The following MBD4 variants were observed in gnomAD, a reference collection of about 807,000 sequenced individuals.
The protein encoded by MBD4 is methyl-CpG-binding domain protein 4.
MBD4 carries 53 observed loss-of-function variants against 60.2 expected under a neutral mutation model. The ratio of observed to expected loss-of-function variants is 0.88; its 90% confidence interval spans 0.71 to 1.11. The LOEUF is 1.11. Ranked by LOEUF, MBD4 falls within the 50% of genes least tolerant of loss-of-function variation. The probability of loss-of-function intolerance (pLI) is 0.00; values close to 1 mark genes in which losing one functional copy is unlikely to be tolerated. For synonymous variants in MBD4, 231 were observed against 229.8 expected (o/e 1.01, Z -0.05); for missense variants, 619 against 674.0 (o/e 0.92, Z 0.90).
At chr3:129,439,693 T>G (rs1559806795) in intron 1 of MBD4, 37 bp downstream of exon 1, 2 of 1,216,746 alleles carry the variant, frequency 1.6e-6, no homozygotes, top group Non-Finnish European at 2.4e-6. Flanking sequence ...ATTTTACAGG[T>G]GGTGAAACTG....
rs2072674953 is a variant in MBD4 at position 129,439,598 on chromosome 3, TAAC to T, written c.104+129_104+131del. The T allele has an allele frequency of 4.1e-6, 3 of 730,442 alleles. No homozygotes were observed. In the Admixed American group the frequency reaches 6.1e-5, roughly 15 times the overall value. The allele number at this position is 730,442 out of a possible 1,614,324, so 45.2% of individuals were successfully genotyped here. ...AGAGCACCTGGGCTCCAGACCCTAG[TAAC>T]TAAACCCGTGGGCTTCGAGGTTTCT... On this transcript the variant is annotated intron_variant, in intron 1 of 7. Coordinates refer to ENST00000429544, the MANE Select transcript of MBD4 (RefSeq NM_001276270.2).
intron 1 of MBD4, 106 bp downstream of exon 1, chr3:129,439,624 T>C: frequency 1.2e-6 from 1 of 813,496 alleles, no homozygotes; most frequent in South Asian, 1.4e-5. Flanking sequence ...CTTCGAGGTT[T>C]CTGCCGACCC....
In MBD4 at chr3:129,434,076, T is replaced by C. The variant is rs147756381; in HGVS notation, c.1244A>G (p.Lys415Arg). The C allele has an allele frequency of 4.0e-5, 64 of 1,614,168 alleles. No individual in the cohort carries two copies. In the East Asian group the frequency reaches 1.4e-3, roughly 34 times the overall value. Residue 415 changes from lysine to arginine, a missense_variant, in exon 4 of 8, where the codon AAA becomes AGA. Coordinates refer to ENST00000429544, the MANE Select transcript of MBD4 (RefSeq NM_001276270.2). The part of the protein sequence containing the change: ...RRKTSLYFSS[K>R]YNKEALSPPR... ...GAAAGGGATACCTTCTTTGTTATAT[T>C]TGCTGGAAAAATACAGGCTTGTTTT...
chr3:129,434,614 C>T (rs990284010), intron 3 of MBD4, among the ~76,000 whole-genome samples: 1 of 152,112 alleles, frequency 6.6e-6, no homozygotes, highest in African/African-American at 2.4e-5. Flanking sequence ...AAGCAAGAGT[C>T]TACATATGAT....
In MBD4 at chr3:129,433,833, G is replaced by C; in HGVS notation, c.1393+17C>G. 3 of 1,613,916 alleles carry C rather than the reference G, an allele frequency of 1.9e-6. No homozygotes were observed. Among genetic ancestry groups the C allele is most frequent in the Non-Finnish European group, 1.7e-6 (2 of 1,179,914 alleles). On this transcript the variant is annotated intron_variant, in intron 5 of 7. Coordinates refer to ENST00000429544, the MANE Select transcript of MBD4 (RefSeq NM_001276270.2). Reference sequence around the variant, plus strand: ...ACACTGTCTCTACTAAGACAAAGATGATAATAATCCCCAAACCTGAGGTCC... The same window carrying C: ...ACACTGTCTCTACTAAGACAAAGATCATAATAATCCCCAAACCTGAGGTCC...
intron 6 of MBD4, 105 bp from the exon 7 acceptor site, chr3:129,432,711 A>G (rs2072374288): frequency 1.8e-6 from 2 of 1,098,084 alleles, no homozygotes; most frequent in Non-Finnish European, 2.8e-6. Flanking sequence ...AGGGACAGGA[A>G]AGGCTCTTTC....
At chr3:129,432,103 C>A in intron 7 of MBD4, 1 of 1,132,762 alleles carries the variant, frequency 8.8e-7, no homozygotes, top group African/African-American at 1.6e-5. Context: ...GACCCAGTCA[C>A]CACAAACGTA....
chr3:129,439,638 G>A, intron 1 of MBD4, 92 bp downstream of exon 1: 1 of 878,960 alleles, frequency 1.1e-6, no homozygotes, highest in Non-Finnish European at 1.9e-6. Flanking sequence ...CCGACCCTCT[G>A]TCAAAGGTTA....
At chr3:129,437,411 A>G in intron 2 of MBD4, 103 bp from the exon 3 acceptor site, 1 of 932,308 alleles carries the variant, frequency 1.1e-6, no homozygotes, top group Non-Finnish European at 1.7e-6. Context: ...AAATGTTGCC[A>G]TAGGTATCTG....
In MBD4 at chr3:129,431,454, T is replaced by G. The variant is rs1009753979; in HGVS notation, c.*47A>C. 1 of 1,484,070 alleles carries G rather than the reference T, an allele frequency of 6.7e-7. No homozygotes were observed. The highest frequency in any genetic ancestry group is 9.4e-7 in the Non-Finnish European group (1 of 1,063,728). 91.9% of individuals were successfully genotyped at this position (1,484,070 alleles called of 1,614,324 possible). On this transcript the variant is annotated 3_prime_UTR_variant, in exon 8 of 8. Transcript: ENST00000429544. ...TTGGTTGTACTTAATTAAGCTTTTT[T>G]GAAGTGCAAAGCTATGCATAACAGA...
chr3:129,432,600 T>G lies in MBD4; in HGVS notation c.1550A>C (p.Tyr517Ser). 1 of 1,614,164 alleles carries G rather than the reference T, an allele frequency of 6.2e-7. No homozygotes were observed. The highest frequency in any genetic ancestry group is 8.5e-7 in the Non-Finnish European group (1 of 1,180,004). ...AKTIVKFSDE[Y>S]LTKQWKYPIE... Reference sequence around the variant, plus strand: ...TGGATACTTCCACTGCTTTGTCAGGTATTCATCTGAAGAATACAACATCCC... The same window carrying G: ...TGGATACTTCCACTGCTTTGTCAGGGATTCATCTGAAGAATACAACATCCC... The change falls in exon 7 of 8, where the codon TAC becomes TCC. Residue 517 changes from tyrosine (Y) to serine (S), a missense_variant. Physicochemically the swap from Tyr to Ser is moderately radical, Grantham distance 144 (BLOSUM62 -2). Coordinates refer to ENST00000429544, the MANE Select transcript of MBD4 (RefSeq NM_001276270.2).
At position 129,436,879 on chromosome 3, in the gene MBD4, T is replaced by G. The variant is rs2072473922; in HGVS notation, c.765A>C (p.Ser255=). The G allele has an allele frequency of 6.2e-7, 1 of 1,614,086 alleles. No individual in the cohort carries two copies. Among genetic ancestry groups the G allele is most frequent in the Admixed American group, 1.7e-5 (1 of 60,018 alleles). Residue 255 remains serine, a synonymous_variant, in exon 3 of 8, where the codon TCA becomes TCC. Coordinates refer to ENST00000429544, the MANE Select transcript of MBD4 (RefSeq NM_001276270.2). ...KTKKGCRKSC[S]GFVQSDSKRE... ...TTTTGCTATCACTTTGAACAAAACC[T>G]GAACAGCTCTTCCTACATCCTTTTT...
At chr3:129,433,338 G>T (rs1577061007) in intron 5 of MBD4, 91 bp from the exon 6 acceptor site, 25 of 1,062,012 alleles carry the variant, frequency 2.4e-5, no homozygotes, top group South Asian at 5.1e-5. Flanking sequence ...CATCCAGAGG[G>T]TTTTTTTTTT....
rs2072699359 is a variant in MBD4, at chr3:129,439,768, A to G, written c.66T>C (p.Ser22=). Residue 22 remains serine (S), a synonymous_variant, in exon 1 of 8, where the codon TCT becomes TCC. Transcript: ENST00000429544. ...GCGGGTCTGGGACTAGGCGCTCACT[A>G]GAGGTGACGGTGGGGGCAGCTCCGC... ...GDRGAAPTVT[S]SERLVPDPPN... 6.2e-7 allele frequency: 1 copy of G among 1,607,026 alleles called. No individual in the cohort carries two copies. The highest frequency in any genetic ancestry group is 1.7e-5 in the Admixed American group (1 of 58,976).
Position 129,439,874 on chromosome 3 carries a change from C to G in MBD4, c.-41G>C. The G allele has an allele frequency of 7.3e-7, 1 of 1,363,316 alleles. No homozygotes were observed. Among genetic ancestry groups the G allele is most frequent in the South Asian group, 1.2e-5 (1 of 84,544 alleles). 84.5% of individuals were successfully genotyped at this position (1,363,316 alleles called of 1,614,324 possible). ...TGCAGCAACGAGCCCAGCGCCGCAA[C>G]GCCCAGGGTGTGGGGCGGAGTAAGA... On this transcript the variant is annotated 5_prime_UTR_variant, in exon 1 of 8. Coordinates refer to ENST00000429544, the MANE Select transcript of MBD4 (RefSeq NM_001276270.2).
In MBD4 at chr3:129,431,580, T is replaced by C; in HGVS notation, c.1648-2A>G. 1 of 1,600,644 alleles carries C rather than the reference T, an allele frequency of 6.2e-7. No homozygotes were observed. Among genetic ancestry groups the C allele is most frequent in the Non-Finnish European group, 8.6e-7 (1 of 1,169,510 alleles). On this transcript the variant is annotated splice_acceptor_variant, in intron 7 of 7. Transcript: ENST00000429544. LOFTEE classifies it high-confidence loss of function. ...TAATTTGTGGTCTTCAGGGTGCACC[T>C]GGAAGAAACATAAGATACAGAGGCA...
Position 129,434,123 on chromosome 3 carries a change from T to C in MBD4, c.1197A>G (p.Pro399=), listed in dbSNP as rs1559798996. The change falls in exon 4 of 8, where the codon CCA becomes CCG. Residue 399 remains proline (P), a synonymous_variant. Coordinates refer to ENST00000429544, the MANE Select transcript of MBD4 (RefSeq NM_001276270.2). ...TTTTCCTTCTTTCTATCTGTGTTCG[T>C]GGGATGGTATCTTCTGAAAAGGAAA... The part of the protein sequence containing the change: ...TRKDFTEDTI[P]RTQIERRKTS... 1 of 1,613,874 alleles carries C rather than the reference T, an allele frequency of 6.2e-7. No homozygotes were observed. Among genetic ancestry groups the C allele is most frequent in the Non-Finnish European group, 8.5e-7 (1 of 1,179,800 alleles).
Position 129,437,153 on chromosome 3 carries a change from G to A in MBD4, c.491C>T (p.Thr164Ile). 6.2e-7 allele frequency: 1 copy of A among 1,614,076 alleles called. No homozygotes were observed. Among genetic ancestry groups the A allele is most frequent in the Admixed American group, 1.7e-5 (1 of 60,016 alleles). ...GTTACTTTGGTTTTGTAGATGGGAT[G>A]TCAGGGCTGCCATGCTGCAGTCTTT... ...RYKDCSMAAL[T>I]SHLQNQSNNS... Residue 164 changes from threonine to isoleucine, a missense_variant, in exon 3 of 8, where the codon ACA becomes ATA. Transcript: ENST00000429544.
At position 129,433,088 on chromosome 3, in the gene MBD4, A is replaced by T; in HGVS notation, c.1543+10T>A. ...TATTATGTTTTTCCTTTGGGTGTAT[A>T]GGAAAATACCTGAGAACTTGACAAT... On this transcript the variant is annotated intron_variant, in intron 6 of 7. Transcript: ENST00000429544. 1 of 1,614,164 alleles carries T rather than the reference A, an allele frequency of 6.2e-7. No individual in the cohort carries two copies. The highest frequency in any genetic ancestry group is 1.7e-5 in the Admixed American group (1 of 60,026).
Sources: allele counts gnomAD v4.1 joint callset (sites outside exome capture counted in the v4.1 genomes callset), GRCh38; gene constraint gnomAD v4.1.1; transcripts MANE v1.5; gene names NCBI Gene and HGNC (gene_info 2026-07-23, HGNC 2026-07-21).